The following PIK3AP1 variants were observed in gnomAD, a reference collection of about 807,000 sequenced individuals.
PIK3AP1 encodes phosphoinositide-3-kinase adaptor protein 1, also known as phosphoinositide 3-kinase adapter protein 1.
PIK3AP1 carries 21 observed loss-of-function variants against 88.1 expected under a neutral mutation model. The ratio of observed to expected loss-of-function variants is 0.24; its 90% CI spans 0.17 to 0.34. The LOEUF is 0.34. Ranked by LOEUF, PIK3AP1 falls within the 10% of genes least tolerant of loss-of-function variation. PIK3AP1 has a pLI of 1.00. For synonymous variants in PIK3AP1, 398 were observed against 400.0 expected (o/e 1.00, Z 0.06); for missense variants, 828 against 1,035.7 (o/e 0.80, Z 2.75).
At chr10:96,645,444 T>C (rs1843445259) in intron 8 of PIK3AP1, 29 bp downstream of exon 8, 2 of 1,601,612 alleles carry the variant, frequency 1.2e-6, no homozygotes, top group African/African-American at 2.7e-5. Flanking sequence ...AGCAGAAAGG[T>C]GGAAGCAGAA....
At chr10:96,663,401 A>T (rs1049135221) in intron 2 of PIK3AP1, among the ~76,000 whole-genome samples, 7 of 151,988 alleles carry the variant, frequency 4.6e-5, no homozygotes, top group African/African-American at 1.7e-4. Context: ...AGGTTGAGGC[A>T]GGTGGATCAC....
At chr10:96,701,890 A>G (rs1844302797) in intron 2 of PIK3AP1, among the ~76,000 whole-genome samples, 2 of 152,216 alleles carry the variant, frequency 1.3e-5, no homozygotes, top group African/African-American at 2.4e-5. Flanking sequence ...CTTCTTTAAC[A>G]TTATGACAAA....
chr10:96,694,739 A>G (rs1313666606), intron 2 of PIK3AP1, among the ~76,000 whole-genome samples: 4 of 151,848 alleles, frequency 2.6e-5, no homozygotes, highest in African/African-American at 4.8e-5. Context: ...AGGTCTTGCT[A>G]TATTGCCCAG....
chr10:96,655,715 TA>T (rs1458195648), intron 3 of PIK3AP1, among the ~76,000 whole-genome samples: 2 of 152,182 alleles, frequency 1.3e-5, no homozygotes, highest in Admixed American at 1.3e-4. Flanking sequence ...CTGATGGTTT[TA>T]AAAAGAGGAG....
chr10:96,711,452 C>T (rs1370483256), intron 1 of PIK3AP1, among the ~76,000 whole-genome samples: 12 of 152,224 alleles, frequency 7.9e-5, no homozygotes, highest in Non-Finnish European at 1.6e-4. Context: ...CCATACAACA[C>T]AACAGGGAAC....
At position 96,612,974 on chromosome 10, in the gene PIK3AP1, ATATATATATTTTTTTTTTTTT is replaced by A. The variant is rs1849146190; in HGVS notation, c.2015-3128_2015-3108del. Among the ~76,000 whole-genome samples, 372 of 84,612 alleles carry A rather than the reference ATATATATATTTTTTTTTTTTT, an allele frequency of 4.4e-3. 2 individuals carry two copies. Among genetic ancestry groups the A allele is most frequent in the South Asian group, 8.0e-3 (21 of 2,618 alleles). The allele number at this position is 84,612 out of a possible 152,430, so 55.5% of individuals were successfully genotyped here. On this transcript the variant is annotated intron_variant, in intron 13 of 16. Coordinates refer to ENST00000339364, the MANE Select transcript of PIK3AP1 (RefSeq NM_152309.3). ...TGTATATATATATATATATATATATATATATATATTTTTTTTTTTTTTTTTTTTTTTTTTTTTTTTTTGAGA... is the reference window on the plus strand; with the variant it reads ...TGTATATATATATATATATATATATATTTTTTTTTTTTTTTTTTTTTGAGA...
chr10:96,712,022 G>A (rs1488227856), intron 1 of PIK3AP1, among the ~76,000 whole-genome samples: 1 of 151,826 alleles, frequency 6.6e-6, no homozygotes, highest in East Asian at 1.9e-4. Flanking sequence ...CCAAAGTGCT[G>A]GAATTACAGG....
At chr10:96,704,352 G>A (rs960238002) in intron 2 of PIK3AP1, among the ~76,000 whole-genome samples, 8 of 152,154 alleles carry the variant, frequency 5.3e-5, no homozygotes, top group Admixed American at 5.2e-4. Flanking sequence ...ACAGAAAGGT[G>A]GCTTAGACCC....
intron 2 of PIK3AP1, among the ~76,000 whole-genome samples, chr10:96,689,350 GC>G (rs1368368046): frequency 6.6e-6 from 1 of 151,350 alleles, no homozygotes; most frequent in Non-Finnish European, 1.5e-5. Context: ...GGATCATGAG[GC>G]CAGGAGATCA....
At chr10:96,625,911 T>A (rs958046598) in intron 10 of PIK3AP1, among the ~76,000 whole-genome samples, 1 of 151,982 alleles carries the variant, frequency 6.6e-6, no homozygotes. Flanking sequence ...CACACCTGGA[T>A]AATTTTTTGT....
chr10:96,687,047 G>A (rs1419606973), intron 2 of PIK3AP1, among the ~76,000 whole-genome samples: 3 of 152,020 alleles, frequency 2.0e-5, no homozygotes, highest in Non-Finnish European at 4.4e-5. Flanking sequence ...ACAAAGTCAG[G>A]AGATCGAGAC....
chr10:96,632,574 G>A (rs1312336231), intron 8 of PIK3AP1, among the ~76,000 whole-genome samples: 5 of 152,260 alleles, frequency 3.3e-5, no homozygotes, highest in South Asian at 2.1e-4. Context: ...TGCAATGATC[G>A]AGATGGTGCT....
Position 96,608,830 on chromosome 10 carries a change from A to G in PIK3AP1, c.2170+882T>C, listed in dbSNP as rs1345230223. On this transcript the variant is annotated intron_variant, in intron 14 of 16. Coordinates refer to ENST00000339364, the MANE Select transcript of PIK3AP1 (RefSeq NM_152309.3). ...TGCGTTATGGGGTTCTCTGCCCGACATTTAAGGAGATATGAGTCCTGAAAT... is the reference window on the plus strand; with the variant it reads ...TGCGTTATGGGGTTCTCTGCCCGACGTTTAAGGAGATATGAGTCCTGAAAT... Among the ~76,000 whole-genome samples, 4 of 152,354 alleles carry G rather than the reference A, an allele frequency of 2.6e-5. No individual in the cohort carries two copies. In the East Asian group the frequency reaches 7.7e-4, roughly 29 times the overall value.
intron 14 of PIK3AP1, among the ~76,000 whole-genome samples, chr10:96,604,344 A>ATTTTTTTTTTTTTTTTT (rs66487275): frequency 2.6e-5 from 2 of 77,126 alleles, no homozygotes; most frequent in Non-Finnish European, 2.4e-5. Context: ...CACCTAGCCA[A>ATTTTTTTTTTTTTTTTT]TTTTTTTTTT....
chr10:96,660,831 A>G (rs1843675901), intron 2 of PIK3AP1, among the ~76,000 whole-genome samples: 1 of 152,178 alleles, frequency 6.6e-6, no homozygotes, highest in African/African-American at 2.4e-5. Flanking sequence ...CCAAAAAGAA[A>G]TGAGCAGGCA....
At chr10:96,609,682 G>T in intron 14 of PIK3AP1, 30 bp downstream of exon 14, 1 of 1,605,520 alleles carries the variant, frequency 6.2e-7, no homozygotes, top group Non-Finnish European at 8.5e-7. Context: ...CAGTCAAGAA[G>T]ACCCCACCCC....
intron 2 of PIK3AP1, among the ~76,000 whole-genome samples, chr10:96,670,155 C>CAAA (rs35152022): frequency 7.7e-5 from 7 of 91,410 alleles, no homozygotes; most frequent in African/African-American, 2.4e-4. Flanking sequence ...AAGACTCCAT[C>CAAA]AAAAAAAAAA....
chr10:96,686,695 T>C (rs1427296349), intron 2 of PIK3AP1, among the ~76,000 whole-genome samples: 1 of 151,906 alleles, frequency 6.6e-6, no homozygotes, highest in East Asian at 1.9e-4. Context: ...GCCCCGACCA[T>C]CCTCTGTTAA....
At chr10:96,614,216 G>A (rs189790863) in intron 13 of PIK3AP1, among the ~76,000 whole-genome samples, 236 of 152,078 alleles carry the variant, frequency 1.6e-3, no homozygotes, top group African/African-American at 5.3e-3. Context: ...TCAAACACTG[G>A]GTGCAACGCC....
Sources: gnomAD v4.1 joint callset for allele counts (sites outside exome capture counted in the v4.1 genomes callset) on GRCh38, gnomAD v4.1.1 for gene constraint, MANE v1.5 for transcripts, NCBI Gene and HGNC (gene_info 2026-07-23, HGNC 2026-07-21) for gene names.